Variants in ICA1 observed in about 807,000 individuals in gnomAD.
ICA1 encodes 69 kDa islet cell autoantigen.
In ICA1, 40 loss-of-function variants were observed where a neutral mutation model predicts 71.0. The ratio of observed to expected loss-of-function variants is 0.56; its 90% CI spans 0.44 to 0.73. The LOEUF (loss-of-function observed/expected upper bound fraction) is 0.73. Among genes scored for constraint, ICA1 ranks in the 30% least tolerant of loss-of-function variants. ICA1 has a pLI of 0.00. For synonymous variants in ICA1, 207 were observed against 209.5 expected (o/e 0.99, Z 0.10); for missense variants, 578 against 576.5 (o/e 1.00, Z -0.03).
intron 12 of ICA1, 64 bp downstream of exon 12, chr7:8,138,776 C>G (rs1323325939): frequency 1.6e-6 from 2 of 1,274,086 alleles, no homozygotes; most frequent in Non-Finnish European, 2.2e-6. Context: ...CACTTTCTTA[C>G]ATGTAAAAGA....
At chr7:8,166,499 G>T (rs895731632) in intron 6 of ICA1, among the ~76,000 whole-genome samples, 1 of 152,118 alleles carries the variant, frequency 6.6e-6, no homozygotes, top group African/African-American at 2.4e-5. Flanking sequence ...AACTCAAGAT[G>T]AATTAAAGAC....
At chr7:8,140,818 TAGG>T (rs1013066777) in intron 10 of ICA1, among the ~76,000 whole-genome samples, 3 of 151,814 alleles carry the variant, frequency 2.0e-5, no homozygotes, top group Non-Finnish European at 4.4e-5. Context: ...GAAAAGCAAA[TAGG>T]AGGAGAAGCA....
At chr7:8,201,471 C>T (rs1047122595) in intron 6 of ICA1, among the ~76,000 whole-genome samples, 1 of 152,074 alleles carries the variant, frequency 6.6e-6, no homozygotes, top group East Asian at 1.9e-4. Flanking sequence ...ACACATGGAG[C>T]CCAACTTTGT....
At chr7:8,135,854 T>G (rs1793229549) in intron 12 of ICA1, among the ~76,000 whole-genome samples, 1 of 152,194 alleles carries the variant, frequency 6.6e-6, no homozygotes, top group Non-Finnish European at 1.5e-5. Context: ...TTAGGTGAGT[T>G]GAATTCATTG....
intron 1 of ICA1, among the ~76,000 whole-genome samples, chr7:8,244,119 G>C (rs1288990668): frequency 6.6e-6 from 1 of 152,202 alleles, no homozygotes; most frequent in Non-Finnish European, 1.5e-5. Context: ...TGGGCAAGAA[G>C]AACAAACCTG....
At chr7:8,192,465 C>T (rs555102794) in intron 6 of ICA1, among the ~76,000 whole-genome samples, 3 of 152,354 alleles carry the variant, frequency 2.0e-5, no homozygotes, top group South Asian at 4.1e-4. Flanking sequence ...AGTCCCACCA[C>T]TAGCGATGTT....
intron 6 of ICA1, among the ~76,000 whole-genome samples, chr7:8,205,500 TGTG>T (rs1404172593): frequency 6.6e-6 from 1 of 152,170 alleles, no homozygotes; most frequent in Non-Finnish European, 1.5e-5. Context: ...CAAAAAGATG[TGTG>T]GTTTAGAATC....
intron 6 of ICA1, among the ~76,000 whole-genome samples, chr7:8,215,749 C>A (rs1795204813): frequency 6.6e-6 from 1 of 152,108 alleles, no homozygotes. Flanking sequence ...GAATTTATAG[C>A]AAAATACTAC....
intron 1 of ICA1, among the ~76,000 whole-genome samples, chr7:8,242,960 G>A (rs542287651): frequency 1.2e-4 from 19 of 152,326 alleles, no homozygotes; most frequent in African/African-American, 4.3e-4. Context: ...GGACCAGACG[G>A]ATTCACAGCC....
rs961050189 is a variant in ICA1, at chr7:8,122,013, G to A, written c.1330+5860C>T. 4.6e-5 allele frequency among the ~76,000 whole-genome samples: 7 copies of A among 152,292 alleles called. No homozygotes were observed. In the Middle Eastern group the frequency reaches 0.01, roughly 222 times the overall value. On this transcript the variant is annotated intron_variant, in intron 13 of 13. Transcript: ENST00000402384. ...GCAGAAACACCCTGACTGCTGGGGA[G>A]GGGGGACTCAAGGAAGGCTCCTCAG... is the stretch of plus-strand genomic sequence containing the variant.
In ICA1 at chr7:8,143,910, C is replaced by G. The variant is rs1483975724; in HGVS notation, c.867G>C (p.Gln289His). ...CCTGCACGGCTGCATCTGTACTTTC[C>G]TGCTGGTTGATTTTCTTCTTCTCTT... is the stretch of plus-strand genomic sequence containing the variant. ...EKEEKKKINQ[Q>H]ESTDAAVQEP... Residue 289 changes from glutamine to histidine, a missense_variant, in exon 9 of 14, where the codon CAG becomes CAC. Gln to His is a conservative substitution (Grantham distance 24). Transcript: ENST00000402384. 2.0e-5 allele frequency: 33 copies of G among 1,612,902 alleles called. No homozygotes were observed. The highest frequency in any genetic ancestry group is 2.8e-5 in the Non-Finnish European group (33 of 1,179,262).
At chr7:8,115,990 C>T (rs1784695732) in intron 13 of ICA1, among the ~76,000 whole-genome samples, 2 of 152,182 alleles carry the variant, frequency 1.3e-5, no homozygotes, top group Admixed American at 6.5e-5. Flanking sequence ...ACCACCCAAC[C>T]ACATGTAGAT....
At chr7:8,245,356 A>G (rs1038975915) in intron 1 of ICA1, among the ~76,000 whole-genome samples, 10 of 145,810 alleles carry the variant, frequency 6.9e-5, no homozygotes, top group Non-Finnish European at 1.3e-4. Context: ...TGGGAATAGA[A>G]CAATGAGAAC....
Position 8,113,423 on chromosome 7 carries a change from T to C in ICA1, c.*500A>G, listed in dbSNP as rs17847176. On this transcript the variant is annotated 3_prime_UTR_variant, in exon 14 of 14. Coordinates refer to ENST00000402384, the MANE Select transcript of ICA1 (RefSeq NM_001136020.3). This position sits in a 1 kb window ranked among gnomAD's most constrained non-coding sequence, Gnocchi z 4.2. Reference sequence around the variant, plus strand: ...CCTGCTGTGGGGACAGTGTCTTTGGTTGGCCAGAGCTTCATCCAGAGCTCA... The same window carrying C: ...CCTGCTGTGGGGACAGTGTCTTTGGCTGGCCAGAGCTTCATCCAGAGCTCA... 19,072 of 154,640 alleles carry C rather than the reference T, an allele frequency of 0.12. 1,244 individuals carry two copies. The highest frequency in any genetic ancestry group is 0.17 in the East Asian group (881 of 5,280). The allele number at this position is 154,640 out of a possible 1,614,324, so 9.6% of individuals were successfully genotyped here.
chr7:8,239,685 C>A (rs1323466556), intron 1 of ICA1, among the ~76,000 whole-genome samples: 1 of 152,222 alleles, frequency 6.6e-6, no homozygotes, highest in African/African-American at 2.4e-5. Context: ...AATCGGGACA[C>A]TGCCGCCCAA....
chr7:8,156,815 A>T, intron 8 of ICA1: 1 of 1,475,260 alleles, frequency 6.8e-7, no homozygotes. Flanking sequence ...AGGACCAATC[A>T]TTAGACTCAA....
chr7:8,165,773 T>C (rs956007686), intron 6 of ICA1, among the ~76,000 whole-genome samples: 2 of 152,084 alleles, frequency 1.3e-5, no homozygotes, highest in African/African-American at 4.8e-5. Flanking sequence ...CCATTCACAA[T>C]AGCCACAAAA....
intron 13 of ICA1, among the ~76,000 whole-genome samples, chr7:8,119,620 C>T (rs773163802): frequency 3.3e-5 from 5 of 152,128 alleles, no homozygotes; most frequent in Middle Eastern, 3.4e-3. Flanking sequence ...CCAAAGCAGG[C>T]GGATCACTTG....
intron 1 of ICA1, among the ~76,000 whole-genome samples, chr7:8,245,242 G>A (rs1261763496): frequency 1.3e-5 from 2 of 152,144 alleles, no homozygotes; most frequent in Non-Finnish European, 2.9e-5. Context: ...AAAAAAGGAT[G>A]AGTTCATGTC....
Sources: gnomAD v4.1 joint callset for allele counts (sites outside exome capture counted in the v4.1 genomes callset) on GRCh38, gnomAD v4.1.1 for gene constraint, Gnocchi (gnomAD v3.1) non-coding constraint, MANE v1.5 for transcripts, NCBI Gene and HGNC (gene_info 2026-07-23, HGNC 2026-07-21) for gene names.